WSCD2: variants seen among roughly 807,000 people sequenced by gnomAD.
WSCD2 encodes the protein sialate:O-sulfotransferase 2.
In WSCD2, 28 loss-of-function variants were observed where a neutral mutation model predicts 55.7. That is an observed-to-expected ratio of 0.50 (90% CI 0.37 to 0.69). The LOEUF is 0.69. Ranked by LOEUF, WSCD2 falls within the 30% of genes least tolerant of loss-of-function variation. The probability of loss-of-function intolerance (pLI) is 0.00; values close to 1 mark genes in which losing one functional copy is unlikely to be tolerated. For missense variants in WSCD2, 616 were observed against 762.1 expected, an observed-to-expected ratio of 0.81 and a Z score of 2.26; for synonymous variants, 301 against 301.9, an observed-to-expected ratio of 1.00 and a Z score of 0.03.
intron 8 of WSCD2, among the ~76,000 whole-genome samples, chr12:108,243,017 G>A (rs1889869934): frequency 6.6e-6 from 1 of 152,242 alleles, no homozygotes; most frequent in Non-Finnish European, 1.5e-5. Context: ...CTGGTAGAGA[G>A]ACTTCCTTAA....
Position 108,129,600 on chromosome 12 carries a change from G to C in WSCD2, c.-878G>C, listed in dbSNP as rs1385644883. The C allele has an allele frequency of 1.3e-5, 2 of 152,348 alleles. No individual in the cohort carries two copies. The highest frequency in any genetic ancestry group is 2.9e-5 in the Non-Finnish European group (2 of 68,208). 9.4% of individuals were successfully genotyped at this position (152,348 alleles called of 1,614,324 possible). Reference sequence around the variant, plus strand: ...TCGCTTCCGCCCGCCTCCCTGGCTCGCCGGCTGGCGTCGCCACCGCCTCCT... The same window carrying C: ...TCGCTTCCGCCCGCCTCCCTGGCTCCCCGGCTGGCGTCGCCACCGCCTCCT... On this transcript the variant is annotated 5_prime_UTR_variant, in exon 1 of 9. Transcript: ENST00000547525.
chr12:108,186,368 A>C (rs964326321), intron 1 of WSCD2, among the ~76,000 whole-genome samples: 2 of 151,842 alleles, frequency 1.3e-5, no homozygotes, highest in African/African-American at 4.8e-5. Context: ...CATCATTATC[A>C]CTCAAGTCTG....
intron 6 of WSCD2, among the ~76,000 whole-genome samples, chr12:108,230,887 T>C (rs746740946): frequency 4.6e-5 from 7 of 151,982 alleles, no homozygotes; most frequent in Non-Finnish European, 7.4e-5. Flanking sequence ...AAGGAGTAGA[T>C]AGAAGGGAGG....
intron 7 of WSCD2, among the ~76,000 whole-genome samples, chr12:108,239,155 C>T (rs564122263): frequency 6.6e-6 from 1 of 152,232 alleles, no homozygotes; most frequent in South Asian, 2.1e-4. Context: ...CCTCTCCAGC[C>T]CCATGCTCCC....
intron 7 of WSCD2, among the ~76,000 whole-genome samples, chr12:108,237,846 C>T (rs1024561569): frequency 2.3e-4 from 35 of 152,196 alleles, no homozygotes; most frequent in African/African-American, 8.4e-4. Flanking sequence ...AAATTGACCC[C>T]ATCATGAACA....
chr12:108,195,725 A>AC lies in WSCD2; in HGVS notation c.-103dup, dbSNP rs905866501. On this transcript the variant is annotated 5_prime_UTR_variant, in exon 2 of 9. It removes the in-frame stop codon of an upstream open reading frame in the 5' UTR. Coordinates refer to ENST00000547525, the MANE Select transcript of WSCD2 (RefSeq NM_014653.4). ...TTTTTCAGGAAGAGTGAGACTGAGG[A>AC]CCCCCAAGTGTTCCATCCCTAAGGA... 2.1e-6 allele frequency: 3 copies of AC among 1,429,872 alleles called. No homozygotes were observed. The highest frequency in any genetic ancestry group is 2.9e-5 in the African/African-American group (2 of 69,544). 88.6% of individuals were successfully genotyped at this position (1,429,872 alleles called of 1,614,324 possible). A position where few individuals can be genotyped will look rare whatever the true frequency, so the allele number is the denominator to read the frequency against.
chr12:108,244,507 C>A, intron 8 of WSCD2: 1 of 702,940 alleles, frequency 1.4e-6, no homozygotes. Context: ...TTATTGAGCA[C>A]CTTGCTTGTC....
intron 2 of WSCD2, among the ~76,000 whole-genome samples, chr12:108,201,179 G>A (rs908118897): frequency 6.6e-6 from 1 of 152,116 alleles, no homozygotes; most frequent in Admixed American, 6.5e-5. Context: ...CTGAAGTCAG[G>A]GTGTTGGCAG....
At chr12:108,176,380 C>A (rs920934426) in intron 1 of WSCD2, among the ~76,000 whole-genome samples, 1 of 152,178 alleles carries the variant, frequency 6.6e-6, no homozygotes, top group Non-Finnish European at 1.5e-5. Context: ...TTCTTTTCTG[C>A]CATTACCAGA....
rs781146535 is a variant in WSCD2 at position 108,195,989 on chromosome 12, G to A, written c.157G>A (p.Ala53Thr). The change falls in exon 2 of 9, where the codon GCT becomes ACT. Residue 53 changes from alanine (A) to threonine (T), a missense_variant. This residue lies in a region of WSCD2 where 374 missense variants were observed against 467.4 expected (regional missense o/e 0.80). Coordinates refer to ENST00000547525, the MANE Select transcript of WSCD2 (RefSeq NM_014653.4). Reference protein sequence around the residue: ...PAVSGNQANPAAAGGPAEGAE... With the variant: ...PAVSGNQANPTAAGGPAEGAE... ...TGTCTCGGGGAACCAGGCGAACCCC[G>A]CTGCTGCAGGAGGCCCAGCTGAGGG... is the stretch of plus-strand genomic sequence containing the variant. The A allele has an allele frequency of 6.2e-6, 10 of 1,614,212 alleles. No individual in the cohort carries two copies. The highest frequency in any genetic ancestry group is 8.5e-6 in the Non-Finnish European group (10 of 1,180,030).
intron 1 of WSCD2, among the ~76,000 whole-genome samples, chr12:108,192,950 C>T (rs1181696043): frequency 2.0e-5 from 3 of 151,404 alleles, no homozygotes; most frequent in African/African-American, 7.3e-5. Context: ...TTTTTCTGGG[C>T]ATATATCTAT....
chr12:108,245,442 G>T (rs1040208084), intron 8 of WSCD2, among the ~76,000 whole-genome samples: 2 of 152,178 alleles, frequency 1.3e-5, no homozygotes, highest in Non-Finnish European at 2.9e-5. Context: ...ACAGAAGTTT[G>T]CAGTCAACAA....
intron 1 of WSCD2, among the ~76,000 whole-genome samples, chr12:108,141,253 T>C (rs1876770700): frequency 6.6e-6 from 1 of 152,096 alleles, no homozygotes; most frequent in Admixed American, 6.5e-5. Context: ...TTTTTGTTTG[T>C]TTGTTTTTGT....
intron 1 of WSCD2, among the ~76,000 whole-genome samples, chr12:108,163,049 C>T (rs1879227072): frequency 6.6e-6 from 1 of 152,144 alleles, no homozygotes; most frequent in Non-Finnish European, 1.5e-5. Context: ...AATCGTATTC[C>T]TATGGACATG....
At chr12:108,207,687 C>G (rs1453313359) in intron 3 of WSCD2, among the ~76,000 whole-genome samples, 1 of 151,832 alleles carries the variant, frequency 6.6e-6, no homozygotes, top group Non-Finnish European at 1.5e-5. Context: ...AAACCCAGCC[C>G]CTGCTGTTCT....
chr12:108,244,817 G>A (rs1318611380), intron 8 of WSCD2, among the ~76,000 whole-genome samples: 1 of 152,054 alleles, frequency 6.6e-6, no homozygotes, highest in African/African-American at 2.4e-5. Flanking sequence ...AAGAGGGCAG[G>A]AGCTGATCAG....
intron 1 of WSCD2, among the ~76,000 whole-genome samples, chr12:108,139,700 G>A (rs938022078): frequency 6.6e-6 from 1 of 152,210 alleles, no homozygotes; most frequent in African/African-American, 2.4e-5. Flanking sequence ...AATTCACATA[G>A]AAGCCCAGCA....
intron 1 of WSCD2, among the ~76,000 whole-genome samples, chr12:108,152,629 G>T (rs545299290): frequency 6.6e-6 from 1 of 152,150 alleles, no homozygotes. Context: ...CCAGAAGCCC[G>T]AGGGGCCTTT....
intron 1 of WSCD2, among the ~76,000 whole-genome samples, chr12:108,158,571 C>A (rs1360281333): frequency 5.3e-5 from 8 of 152,098 alleles, no homozygotes; most frequent in African/African-American, 1.9e-4. Context: ...GCTGTGTGAT[C>A]TCAGGTAAGT....
Sources: gnomAD v4.1 joint callset for allele counts (sites outside exome capture counted in the v4.1 genomes callset) on GRCh38, gnomAD v4.1.1 for gene constraint, gnomAD v4.1.1 regional missense constraint, MANE v1.5 for transcripts, NCBI Gene and HGNC (gene_info 2026-07-23, HGNC 2026-07-21) for gene names.